ADARB2: variants seen among roughly 807,000 people sequenced by gnomAD.
The protein encoded by ADARB2 is adenosine deaminase RNA specific B2 (inactive), also known as inactive double-stranded RNA-specific editase B2.
ADARB2 carries 25 observed loss-of-function variants against 62.2 expected under a neutral mutation model. The observed-to-expected ratio is 0.40, with a 90% CI of 0.29 to 0.56. The LOEUF is 0.56. ADARB2 is among the 20% of genes least tolerant of loss of function. The pLI, the probability that ADARB2 is intolerant of heterozygous loss-of-function variation, is 0.43. For missense variants in ADARB2, 1,071 were observed against 1,077.4 expected (o/e 0.99, Z 0.08); for synonymous variants, 572 against 500.8 (o/e 1.14, Z -1.90).
At chr10:1,396,670 T>A (rs4306230) in intron 1 of ADARB2, among the ~76,000 whole-genome samples, 1 of 113,540 alleles carries the variant, frequency 8.8e-6, no homozygotes, top group Non-Finnish European at 2.0e-5. Context: ...CCCTCCCGAG[T>A]GCAGGCTTCC....
At chr10:1,623,483 T>A (rs1209631061) in intron 1 of ADARB2, among the ~76,000 whole-genome samples, 1 of 152,218 alleles carries the variant, frequency 6.6e-6, no homozygotes, top group Non-Finnish European at 1.5e-5. Flanking sequence ...AAATTTTTGT[T>A]AGAAAACTAG....
intron 1 of ADARB2, among the ~76,000 whole-genome samples, chr10:1,595,270 C>G (rs547779125): frequency 6.6e-6 from 1 of 152,254 alleles, no homozygotes; most frequent in East Asian, 1.9e-4. Context: ...TCAAGAAATG[C>G]GCTGAAGAAC....
chr10:1,183,604 G>A (rs958614936), intron 9 of ADARB2, among the ~76,000 whole-genome samples: 3 of 152,238 alleles, frequency 2.0e-5, no homozygotes, highest in Non-Finnish European at 2.9e-5. Context: ...AAACTTGACT[G>A]CTACTAAAAG....
In ADARB2 at chr10:1,639,569, G is replaced by A. The variant is rs571463607; in HGVS notation, c.100+97482C>T. Among the ~76,000 whole-genome samples, 37 of 152,360 alleles carry A rather than the reference G, an allele frequency of 2.4e-4. 2 individuals are homozygous for A. In the East Asian group the frequency reaches 6.9e-3, roughly 29 times the overall value. On this transcript the variant is annotated intron_variant, in intron 1 of 9. Transcript: ENST00000381312. ...TCTTATAAAACACAAAGAGGGCCGG[G>A]CGCAGTGGCTCACGCCTGTCATCCC... is the stretch of plus-strand genomic sequence containing the variant.
chr10:1,187,992 T>C (rs899838041), intron 8 of ADARB2: 2 of 195,218 alleles, frequency 1.0e-5, no homozygotes, highest in African/African-American at 4.6e-5. Context: ...CTGTTTAACA[T>C]AGAAAGTGGT....
intron 1 of ADARB2, among the ~76,000 whole-genome samples, chr10:1,507,586 A>G (rs1457996304): frequency 6.6e-6 from 1 of 152,200 alleles, no homozygotes; most frequent in Non-Finnish European, 1.5e-5. Context: ...ACCAGGTGGC[A>G]GCTTTGAATG....
intron 1 of ADARB2, among the ~76,000 whole-genome samples, chr10:1,442,754 T>G (rs557832438): frequency 5.7e-4 from 87 of 152,310 alleles, no homozygotes; most frequent in African/African-American, 2.1e-3. Context: ...AGTTTAACAC[T>G]TTGCCGTTTT....
At position 1,358,814 on chromosome 10, in the gene ADARB2, G is replaced by A. The variant is rs192563171; in HGVS notation, c.1077+4214C>T. ...TTTAAAAAACAAAGAAATAAAGGGG[G>A]TACTTGAGGGTGAAAGATAAACTCA... On this transcript the variant is annotated intron_variant, in intron 3 of 9. Coordinates refer to ENST00000381312, the MANE Select transcript of ADARB2 (RefSeq NM_018702.4). 8.5e-4 allele frequency among the ~76,000 whole-genome samples: 130 copies of A among 152,142 alleles called. 2 individuals are homozygous for A. Among genetic ancestry groups the A allele is most frequent in the Admixed American group, 3.1e-3 (48 of 15,270 alleles).
chr10:1,185,481 GT>G (rs1836739847), intron 8 of ADARB2, among the ~76,000 whole-genome samples: 1 of 145,368 alleles, frequency 6.9e-6, no homozygotes, highest in South Asian at 2.3e-4. Flanking sequence ...CGGGTTTACA[GT>G]TTAGCTGATG....
At chr10:1,416,754 C>T (rs1461578436) in intron 1 of ADARB2, among the ~76,000 whole-genome samples, 2 of 152,240 alleles carry the variant, frequency 1.3e-5, no homozygotes, top group African/African-American at 2.4e-5. Context: ...CCCATGAACT[C>T]ACTCAGTCTC....
chr10:1,597,247 G>A (rs1188329270), intron 1 of ADARB2, among the ~76,000 whole-genome samples: 1 of 152,138 alleles, frequency 6.6e-6, no homozygotes, highest in South Asian at 2.1e-4. Context: ...AGGGGGATAT[G>A]TGTATATAGC....
chr10:1,324,938 C>T (rs115537007), intron 3 of ADARB2, among the ~76,000 whole-genome samples: 2,417 of 152,308 alleles, frequency 0.016, 78 homozygotes, highest in African/African-American at 0.055. Flanking sequence ...CGTTGTGCTC[C>T]GGCTCTTCAA....
rs376850087 is a variant in ADARB2, at chr10:1,233,841, G to A, written c.1366C>T (p.Arg456Trp). ...ATCGATCGCTCTGAGTCCTCGCGCC[G>A]CTTGCTAGGGTCACAAAGAGGTTTG... ...YTQLELHLSK[R>W]REDSERSIFV... The change falls in exon 6 of 10, where the codon CGG becomes TGG. Residue 456 changes from arginine (R) to tryptophan (W), a missense_variant. Coordinates refer to ENST00000381312, the MANE Select transcript of ADARB2 (RefSeq NM_018702.4). The A allele has an allele frequency of 6.0e-5, 96 of 1,612,786 alleles. No homozygotes were observed. The highest frequency in any genetic ancestry group is 1.7e-4 in the African/African-American group (13 of 74,804).
At chr10:1,571,897 C>G (rs1244206116) in intron 1 of ADARB2, among the ~76,000 whole-genome samples, 1 of 130,736 alleles carries the variant, frequency 7.6e-6, no homozygotes. Context: ...GGTGAGTGTG[C>G]TGGTGAGTGG....
intron 3 of ADARB2, among the ~76,000 whole-genome samples, chr10:1,317,818 G>A (rs1831754151): frequency 6.6e-6 from 1 of 152,114 alleles, no homozygotes; most frequent in African/African-American, 2.4e-5. Flanking sequence ...TCCATTGGGG[G>A]CCCAGCTTGT....
At chr10:1,498,412 A>T (rs1395290771) in intron 1 of ADARB2, among the ~76,000 whole-genome samples, 2 of 151,592 alleles carry the variant, frequency 1.3e-5, no homozygotes, top group Non-Finnish European at 2.9e-5. Context: ...ATAAATAAGT[A>T]ATTTTTTTAA....
At chr10:1,698,116 T>C (rs981686917) in intron 1 of ADARB2, among the ~76,000 whole-genome samples, 4 of 152,242 alleles carry the variant, frequency 2.6e-5, no homozygotes, top group African/African-American at 9.6e-5. Flanking sequence ...CTTCCCTCTT[T>C]AGTAGTTACT....
rs192294985 is a variant in ADARB2, at chr10:1,669,479, C to T, written c.100+67572G>A. Among the ~76,000 whole-genome samples the T allele has an allele frequency of 9.8e-4, 148 of 151,674 alleles. 1 individual carries two copies. Among genetic ancestry groups the T allele is most frequent in the African/African-American group, 3.5e-3 (145 of 41,284 alleles). On this transcript the variant is annotated intron_variant, in intron 1 of 9. Coordinates refer to ENST00000381312, the MANE Select transcript of ADARB2 (RefSeq NM_018702.4). ...AGGGAGACACAAACACAGACACAGACACACACACACTCACAGGGAGACACA... is the reference window on the plus strand; with the variant it reads ...AGGGAGACACAAACACAGACACAGATACACACACACTCACAGGGAGACACA...
At chr10:1,602,173 G>A (rs1269785160) in intron 1 of ADARB2, among the ~76,000 whole-genome samples, 8 of 152,164 alleles carry the variant, frequency 5.3e-5, no homozygotes, top group Admixed American at 5.2e-4. Flanking sequence ...CCACACGGGG[G>A]ACTGACTCCC....
Sources: allele counts gnomAD v4.1 joint callset (sites outside exome capture counted in the v4.1 genomes callset), GRCh38; gene constraint gnomAD v4.1.1; transcripts MANE v1.5; gene names NCBI Gene and HGNC (gene_info 2026-07-23, HGNC 2026-07-21).